NFASC: variants seen among roughly 807,000 people sequenced by gnomAD.
NFASC encodes neurofascin homolog.
Under a neutral mutation model 147.5 loss-of-function variants are expected in NFASC, and 43 were observed. The observed-to-expected ratio is 0.29, with a 90% CI of 0.23 to 0.38. The LOEUF is 0.38. Ranked by LOEUF, NFASC falls within the 10% of genes least tolerant of loss-of-function variation. The pLI, the probability that NFASC is intolerant of heterozygous loss-of-function variation, is 1.00. For synonymous variants in NFASC, 622 were observed against 665.5 expected, an observed-to-expected ratio of 0.93 and a Z score of 1.01; for missense variants, 1,320 against 1,689.0, an observed-to-expected ratio of 0.78 and a Z score of 3.83.
chr1:205,009,404 C>A lies in NFASC; in HGVS notation c.3290-153C>A. On this transcript the variant is annotated intron_variant, in intron 27 of 29. Transcript: ENST00000339876. Reference sequence around the variant, plus strand: ...TAATTATTTTCTTTTTGTCCTTTAGCAGGGTAGTTTGGGCCAGGGGGCTGC... The same window carrying A: ...TAATTATTTTCTTTTTGTCCTTTAGAAGGGTAGTTTGGGCCAGGGGGCTGC... 4 of 817,402 alleles carry A rather than the reference C, an allele frequency of 4.9e-6. 1 individual carries two copies. Among genetic ancestry groups the A allele is most frequent in the South Asian group, 4.0e-5 (3 of 74,792 alleles). 50.6% of individuals were successfully genotyped at this position (817,402 alleles called of 1,614,324 possible).
chr1:204,973,035 C>T (rs61817611), intron 11 of NFASC, among the ~76,000 whole-genome samples: 33,626 of 152,110 alleles, frequency 0.22, 4,529 homozygotes, highest in Middle Eastern at 0.37. Flanking sequence ...GTAGGTAGGT[C>T]GAACAGGAAT....
chr1:204,893,767 T>G (rs2082851984), intron 1 of NFASC, among the ~76,000 whole-genome samples: 1 of 152,236 alleles, frequency 6.6e-6, no homozygotes, highest in Non-Finnish European at 1.5e-5. Context: ...CCCCACTCTG[T>G]CAAGCTTCTC....
chr1:204,841,378 T>C (rs1675300477), intron 1 of NFASC, among the ~76,000 whole-genome samples: 1 of 152,234 alleles, frequency 6.6e-6, no homozygotes, highest in Non-Finnish European at 1.5e-5. Context: ...ATGATCCCTT[T>C]GTTTGAGAAG....
chr1:204,891,175 T>C (rs900701215), intron 1 of NFASC, among the ~76,000 whole-genome samples: 1 of 152,308 alleles, frequency 6.6e-6, no homozygotes, highest in African/African-American at 2.4e-5. Context: ...GCAAGGCTTA[T>C]GTGTTACAAC....
chr1:204,905,599 A>G (rs2085671280), intron 1 of NFASC, among the ~76,000 whole-genome samples: 3 of 151,984 alleles, frequency 2.0e-5, no homozygotes, highest in Non-Finnish European at 2.9e-5. Context: ...CTTTGCTTAC[A>G]TTATCTTATC....
intron 1 of NFASC, among the ~76,000 whole-genome samples, chr1:204,855,485 T>G (rs2076074569): frequency 6.6e-6 from 1 of 152,018 alleles, no homozygotes; most frequent in South Asian, 2.1e-4. Flanking sequence ...TAGGAAAGAC[T>G]GTGGTGGGAA....
At chr1:204,973,518 G>A in intron 12 of NFASC, 99 bp downstream of exon 12, 1 of 1,446,804 alleles carries the variant, frequency 6.9e-7, no homozygotes, top group Non-Finnish European at 9.4e-7. Context: ...CTTCTCCGGG[G>A]ATTGGCCAAG....
At position 204,882,893 on chromosome 1, in the gene NFASC, G is replaced by A. The variant is rs551025576; in HGVS notation, c.-199-37739G>A. Among the ~76,000 whole-genome samples, 3 of 152,148 alleles carry A rather than the reference G, an allele frequency of 2.0e-5. No homozygotes were observed. The East Asian group carries it at 5.8e-4, about 29-fold the overall frequency. ...CTTAGGATAGTGTCTCTCACACTGG[G>A]GTATATAGACGCCCGGGGTTCTCAG... On this transcript the variant is annotated intron_variant, in intron 1 of 29. Coordinates refer to ENST00000339876, the MANE Select transcript of NFASC (RefSeq NM_001005388.3).
intron 1 of NFASC, among the ~76,000 whole-genome samples, chr1:204,871,273 G>A (rs1227903256): frequency 6.6e-6 from 1 of 152,220 alleles, no homozygotes; most frequent in Non-Finnish European, 1.5e-5. Flanking sequence ...TCTGAAATAT[G>A]AAGTAGGCAG....
At position 204,974,215 on chromosome 1, in the gene NFASC, T is replaced by G. The variant is rs758206186; in HGVS notation, c.1316T>G (p.Leu439Arg). 2 of 1,613,920 alleles carry G rather than the reference T, an allele frequency of 1.2e-6. No homozygotes were observed. Among genetic ancestry groups the G allele is most frequent in the Non-Finnish European group, 1.7e-6 (2 of 1,180,006 alleles). Residue 439 changes from leucine (L) to arginine (R), a missense_variant, in exon 13 of 30, where the codon CTC (leucine) becomes CGC (arginine). Leu to Arg is a moderately radical substitution (Grantham distance 102). This residue lies in a region of NFASC where 981 missense variants were observed against 1,289.5 expected (regional missense o/e 0.76). Transcript: ENST00000339876. ...CGGATGCTGTCGCCCCGGAACCAGC[T>G]CATTCGAGTGATTCTTTACAACCGG... ...PPRMLSPRNQ[L>R]IRVILYNRTR...
intron 1 of NFASC, among the ~76,000 whole-genome samples, chr1:204,877,200 C>A (rs111288421): frequency 0.019 from 2,912 of 149,374 alleles, 117 homozygotes; most frequent in African/African-American, 0.068. Flanking sequence ...GCAGGGGATG[C>A]ACACATGCAC....
chr1:204,928,615 G>A (rs2149540801), intron 2 of NFASC, among the ~76,000 whole-genome samples: 1 of 152,256 alleles, frequency 6.6e-6, no homozygotes, highest in East Asian at 1.9e-4. Flanking sequence ...TGTTGTAATA[G>A]GGGGGAAAAT....
intron 2 of NFASC, among the ~76,000 whole-genome samples, chr1:204,942,109 G>A (rs2149764194): frequency 6.6e-6 from 1 of 152,188 alleles, no homozygotes; most frequent in Middle Eastern, 3.4e-3. Flanking sequence ...AACAAGATAG[G>A]GTACCTTCCC....
intron 1 of NFASC, among the ~76,000 whole-genome samples, chr1:204,902,511 A>C (rs1287075277): frequency 2.0e-5 from 3 of 152,202 alleles, no homozygotes; most frequent in African/African-American, 7.2e-5. Context: ...TCAAGGTTAC[A>C]TTTTGTAACA....
chr1:204,830,105 C>A (rs1191759879), intron 1 of NFASC, among the ~76,000 whole-genome samples: 3 of 151,158 alleles, frequency 2.0e-5, no homozygotes, highest in African/African-American at 7.3e-5. Context: ...CCCTTTTCTG[C>A]CTGCCTGTGT....
At position 204,975,499 on chromosome 1, in the gene NFASC, A is replaced by G; in HGVS notation, c.1706+81A>G. 1 of 1,535,228 alleles carries G rather than the reference A, an allele frequency of 6.5e-7. No individual in the cohort carries two copies. Among genetic ancestry groups the G allele is most frequent in the Non-Finnish European group, 8.9e-7 (1 of 1,125,638 alleles). ...CCTTGCTGTTGGTGACACATGGAAGAACACAGGGACAGGGAACCCGTGTCA... is the reference window on the plus strand; with the variant it reads ...CCTTGCTGTTGGTGACACATGGAAGGACACAGGGACAGGGAACCCGTGTCA... On this transcript the variant is annotated intron_variant, in intron 15 of 29. Transcript: ENST00000339876. The surrounding 1 kb of genome is among the most constrained non-coding windows in gnomAD (Gnocchi z 4.0).
chr1:204,978,320 C>T (rs1385625929), intron 17 of NFASC, among the ~76,000 whole-genome samples: 1 of 152,146 alleles, frequency 6.6e-6, no homozygotes, highest in African/African-American at 2.4e-5. Context: ...CTAAAGCAGT[C>T]CCAGTGAGAT....
chr1:204,871,183 C>A, intron 1 of NFASC: 1 of 1,032,962 alleles, frequency 9.7e-7, no homozygotes, highest in Non-Finnish European at 1.3e-6. Flanking sequence ...CATACTTTCC[C>A]AACAAAGCTA....
chr1:204,987,676 C>G lies in NFASC; in HGVS notation c.2593+136C>G. The G allele has an allele frequency of 1.0e-6, 1 of 970,210 alleles. No individual in the cohort carries two copies. The highest frequency in any genetic ancestry group is 2.0e-5 in the Admixed American group (1 of 50,568). The allele number at this position is 970,210 out of a possible 1,614,324, so 60.1% of individuals were successfully genotyped here. A position where few individuals can be genotyped will look rare whatever the true frequency, so the allele number is the denominator to read the frequency against. ...TGGAGGGATGGAGGGGCCAACGAAA[C>G]AGTTCCCAATAGGATTAGGGGAGGC... On this transcript the variant is annotated intron_variant, in intron 22 of 29. Coordinates refer to ENST00000339876, the MANE Select transcript of NFASC (RefSeq NM_001005388.3). This position sits in a 1 kb window ranked among gnomAD's most constrained non-coding sequence, Gnocchi z 4.4.
Sources: gnomAD v4.1 joint callset for allele counts (sites outside exome capture counted in the v4.1 genomes callset) on GRCh38, gnomAD v4.1.1 for gene constraint, gnomAD v4.1.1 regional missense constraint, Gnocchi (gnomAD v3.1) non-coding constraint, MANE v1.5 for transcripts, NCBI Gene and HGNC (gene_info 2026-07-23, HGNC 2026-07-21) for gene names.